The following CYFIP1 variants were observed in gnomAD, a reference collection of about 807,000 sequenced individuals.
CYFIP1 encodes the protein cytoplasmic FMR1 interacting protein 1.
CYFIP1 carries 58 observed loss-of-function variants against 163.5 expected under a neutral mutation model. The observed-to-expected ratio is 0.35, with a 90% confidence interval of 0.29 to 0.44. The LOEUF is 0.44. CYFIP1 is among the 20% of genes least tolerant of loss of function. The pLI is 1.00. For synonymous variants in CYFIP1, 663 were observed against 660.7 expected, an observed-to-expected ratio of 1.00 and a Z score of -0.05; for missense variants, 1,338 against 1,653.8, an observed-to-expected ratio of 0.81 and a Z score of 3.31.
chr15:22,873,274 ATTGC>A (rs1287900322), intron 29 of CYFIP1, among the ~76,000 whole-genome samples: 1 of 152,214 alleles, frequency 6.6e-6, no homozygotes, highest in East Asian at 1.9e-4. Context: ...CGTGCATACA[ATTGC>A]CGTGGGTTCA....
At chr15:22,926,593 T>C (rs945783262) in intron 12 of CYFIP1, among the ~76,000 whole-genome samples, 8 of 152,188 alleles carry the variant, frequency 5.3e-5, no homozygotes, top group Admixed American at 5.2e-4. Context: ...TTTTATGTGA[T>C]CAAAATAAAT....
intron 13 of CYFIP1, among the ~76,000 whole-genome samples, chr15:22,924,675 T>C (rs984996334): frequency 2.0e-5 from 3 of 152,000 alleles, no homozygotes; most frequent in South Asian, 2.1e-4. Flanking sequence ...GCTGAAAGCA[T>C]TGACTTTTAC....
chr15:22,938,231 A>G (rs2061776935), intron 8 of CYFIP1, among the ~76,000 whole-genome samples: 1 of 152,220 alleles, frequency 6.6e-6, no homozygotes, highest in Non-Finnish European at 1.5e-5. Flanking sequence ...AACCAACAAA[A>G]GGCTACTTTA....
At chr15:22,929,971 A>AG (rs2061487032) in intron 11 of CYFIP1, among the ~76,000 whole-genome samples, 24 of 151,886 alleles carry the variant, frequency 1.6e-4, no homozygotes, top group African/African-American at 5.1e-4. Context: ...TTATGACATA[A>AG]TGACATAAAT....
intron 1 of CYFIP1, among the ~76,000 whole-genome samples, chr15:22,961,641 A>G (rs1029725404): frequency 5.9e-5 from 9 of 152,050 alleles, no homozygotes; most frequent in Admixed American, 2.6e-4. Context: ...CAGCCTCCCA[A>G]AGATGCTGAA....
Position 22,909,234 on chromosome 15 carries a change from G to C in CYFIP1, c.2348C>G (p.Ala783Gly). Reference protein sequence around the residue: ...SAAMYKSLELAIGRFESEDLT... With the variant: ...SAAMYKSLELGIGRFESEDLT... ...ATCTTCACTTTCAAATCGTCCAATC[G>C]CCAGTTCTAGGGACTTATACATGGC... is the stretch of plus-strand genomic sequence containing the variant. The change falls in exon 21 of 31, where the codon GCG becomes GGG. Residue 783 changes from alanine to glycine, a missense_variant. Transcript: ENST00000617928. 2 of 1,614,120 alleles carry C rather than the reference G, an allele frequency of 1.2e-6. No individual in the cohort carries two copies. The highest frequency in any genetic ancestry group is 1.7e-6 in the Non-Finnish European group (2 of 1,180,002).
In CYFIP1 at chr15:22,892,253, T is replaced by C. The variant is rs117523881; in HGVS notation, c.2676+637A>G. Among the ~76,000 whole-genome samples the C allele has an allele frequency of 7.1e-3, 1,078 of 152,302 alleles. 11 individuals are homozygous for C. The highest frequency in any genetic ancestry group is 0.01 in the Middle Eastern group (3 of 294). ...TTCATCTCTCTTCGTTGCTACAATG[T>C]TTATATTTTCCTTACTAAATCACAC... On this transcript the variant is annotated intron_variant, in intron 23 of 30. Coordinates refer to ENST00000617928, the MANE Select transcript of CYFIP1 (RefSeq NM_014608.6).
chr15:22,878,964 G>A (rs967793952), intron 26 of CYFIP1, among the ~76,000 whole-genome samples: 6 of 151,920 alleles, frequency 3.9e-5, no homozygotes, highest in South Asian at 4.1e-4. Context: ...GTGAAACCCC[G>A]TCTCTACTAA....
Position 22,932,321 on chromosome 15 carries a change from C to T in CYFIP1, c.1012G>A (p.Gly338Ser), listed in dbSNP as rs565962677. ...CAGATGTTGTACTGAGGGCTGCTGC[C>T]GGAGGATGTGCACGTCCATCTGTGC... ...NKSRWTCTSS[G>S]SSPQYNICEQ... Residue 338 changes from glycine (G) to serine (S), a missense_variant, in exon 11 of 31, where the codon GGC becomes AGC. Physicochemically the swap from Gly to Ser is moderately conservative, Grantham distance 56. Transcript: ENST00000617928. 87 of 1,608,098 alleles carry T rather than the reference C, an allele frequency of 5.4e-5. 1 individual carries two copies. In the South Asian group the frequency reaches 8.4e-4, roughly 16 times the overall value.
At chr15:22,973,500 G>GTGTA (rs2063170029) in intron 1 of CYFIP1, among the ~76,000 whole-genome samples, 1 of 151,860 alleles carries the variant, frequency 6.6e-6, no homozygotes, top group Non-Finnish European at 1.5e-5. Context: ...AACTGTAAAT[G>GTGTA]TGTATCCTTT....
intron 1 of CYFIP1, among the ~76,000 whole-genome samples, chr15:22,979,087 G>A (rs562534312): frequency 1.3e-5 from 2 of 152,270 alleles, no homozygotes; most frequent in South Asian, 4.1e-4. Context: ...AACGTCCTCC[G>A]CCACGACTCC....
chr15:22,965,064 G>C (rs1018450066), intron 1 of CYFIP1, among the ~76,000 whole-genome samples: 1 of 127,670 alleles, frequency 7.8e-6, no homozygotes, highest in South Asian at 2.5e-4. Flanking sequence ...GTGTGTGTGT[G>C]TGTGTGTACA....
chr15:22,882,296 C>T (rs565381474), intron 24 of CYFIP1, among the ~76,000 whole-genome samples: 102 of 152,294 alleles, frequency 6.7e-4, no homozygotes, highest in African/African-American at 2.3e-3. Flanking sequence ...CTCCTGGGTG[C>T]GGCCCCAGGC....
chr15:22,871,061 G>T (rs1003219105), intron 30 of CYFIP1, among the ~76,000 whole-genome samples: 1 of 152,192 alleles, frequency 6.6e-6, no homozygotes, highest in Non-Finnish European at 1.5e-5. Context: ...GGACCACACC[G>T]AAGACTCCCC....
intron 22 of CYFIP1, among the ~76,000 whole-genome samples, chr15:22,898,495 C>G (rs1026028444): frequency 6.6e-6 from 1 of 152,048 alleles, no homozygotes; most frequent in Admixed American, 6.6e-5. Context: ...AAATATTGAA[C>G]TAGAGTTGGC....
At chr15:22,899,644 T>G (rs2060335912) in intron 22 of CYFIP1, among the ~76,000 whole-genome samples, 1 of 152,202 alleles carries the variant, frequency 6.6e-6, no homozygotes, top group Admixed American at 6.5e-5. Flanking sequence ...ATAAGTCCAT[T>G]AAACCTCTTT....
chr15:22,932,115 C>T (rs1341908344), intron 11 of CYFIP1, 108 bp downstream of exon 11: 2 of 717,124 alleles, frequency 2.8e-6, no homozygotes, highest in Non-Finnish European at 4.7e-6. Flanking sequence ...GACATATGAT[C>T]GTATCTGGTA....
Position 22,910,580 on chromosome 15 carries a change from GGC to G in CYFIP1, c.2206_2207del (p.Ala736HisfsTer8). 6.2e-7 allele frequency: 1 copy of G among 1,614,168 alleles called. No homozygotes were observed. The highest frequency in any genetic ancestry group is 8.5e-7 in the Non-Finnish European group (1 of 1,180,020). ...RLRSECKNQGATIHLPPSNRY... is the reference protein window; with the variant it reads ...RLRSECKNQGXTIHLPPSNRY... ...GGTTAGACGGCGGGAGGTGGATCGT[GGC>G]TCCCTGATTCTTGCATTCTGATCGT... On this transcript the variant is annotated frameshift_variant, in exon 20 of 31. Transcript: ENST00000617928. LOFTEE classifies it high-confidence loss of function.
intron 1 of CYFIP1, among the ~76,000 whole-genome samples, chr15:22,969,832 G>C (rs2063029929): frequency 6.6e-6 from 1 of 152,138 alleles, no homozygotes; most frequent in South Asian, 2.1e-4. Flanking sequence ...CATGCAAAGA[G>C]TAACCAAAAG....
Sources: gnomAD v4.1 joint callset for allele counts (sites outside exome capture counted in the v4.1 genomes callset) on GRCh38, gnomAD v4.1.1 for gene constraint, MANE v1.5 for transcripts, NCBI Gene and HGNC (gene_info 2026-07-23, HGNC 2026-07-21) for gene names.